Variants in KAZN observed in about 807,000 individuals in gnomAD.
KAZN encodes the protein kazrin, periplakin interacting protein.
KAZN carries 40 observed loss-of-function variants against 87.4 expected under a neutral mutation model. The observed-to-expected ratio is 0.46, with a 90% CI of 0.36 to 0.60. The LOEUF is 0.60. Ranked by LOEUF, KAZN falls within the 20% of genes least tolerant of loss-of-function variation. KAZN has a pLI of 0.00. For missense variants in KAZN, 898 were observed against 1,073.9 expected (o/e 0.84, Z 2.29); for synonymous variants, 466 against 458.3 (o/e 1.02, Z -0.22).
At chr1:14,332,708 G>A (rs184009701) in intron 2 of KAZN, among the ~76,000 whole-genome samples, 1 of 152,260 alleles carries the variant, frequency 6.6e-6, no homozygotes, top group African/African-American at 2.4e-5. Flanking sequence ...GGATCTGCCA[G>A]TTTCTATCTG....
At chr1:14,849,508 A>G (rs1649182249) in intron 1 of KAZN, among the ~76,000 whole-genome samples, 1 of 152,248 alleles carries the variant, frequency 6.6e-6, no homozygotes, top group Admixed American at 6.5e-5. Context: ...TGCACCTAGA[A>G]TAGCAGGGCT....
intron 1 of KAZN, among the ~76,000 whole-genome samples, chr1:14,630,608 T>G (rs1679493605): frequency 6.6e-6 from 1 of 152,230 alleles, no homozygotes; most frequent in Admixed American, 6.5e-5. Context: ...TTAAATGAGA[T>G]GCTGACTGGG....
intron 2 of KAZN, among the ~76,000 whole-genome samples, chr1:14,542,665 C>T (rs1014106970): frequency 3.3e-4 from 50 of 152,284 alleles, no homozygotes; most frequent in African/African-American, 1.2e-3. Flanking sequence ...TGGTAGTGAG[C>T]ATAGTATCGG....
At chr1:14,249,158 A>G (rs1649780512) in intron 2 of KAZN, among the ~76,000 whole-genome samples, 1 of 152,218 alleles carries the variant, frequency 6.6e-6, no homozygotes, top group African/African-American at 2.4e-5. Flanking sequence ...CCTGACCGAC[A>G]GGATCCATGA....
chr1:14,902,362 A>AG (rs1216163273), intron 1 of KAZN, among the ~76,000 whole-genome samples: 1 of 151,744 alleles, frequency 6.6e-6, no homozygotes, highest in Non-Finnish European at 1.5e-5. Flanking sequence ...AGTAGCTGGG[A>AG]CTATAGGCAC....
chr1:14,191,899 A>G lies in KAZN; in HGVS notation c.249+11307A>G, dbSNP rs762219885. Among the ~76,000 whole-genome samples the G allele has an allele frequency of 4.9e-4, 74 of 152,218 alleles. 1 individual carries two copies. Among genetic ancestry groups the G allele is most frequent in the Non-Finnish European group, 8.2e-4 (56 of 67,998 alleles). Reference sequence around the variant, plus strand: ...ACTCCCTCCAGAGCTATCCTAGAGAACCAAGTACTTCTGCCTCCAGTTTGC... The same window carrying G: ...ACTCCCTCCAGAGCTATCCTAGAGAGCCAAGTACTTCTGCCTCCAGTTTGC... On this transcript the variant is annotated intron_variant, in intron 2 of 16. Coordinates refer to the KAZN transcript ENST00000636203.
intron 1 of KAZN, among the ~76,000 whole-genome samples, chr1:14,914,411 T>G (rs536900655): frequency 1.1e-4 from 17 of 152,268 alleles, no homozygotes; most frequent in African/African-American, 4.1e-4. Flanking sequence ...GATGCCTAAT[T>G]ACTATTTGCC....
chr1:14,073,500 A>G lies in KAZN; in HGVS notation c.92-106935A>G, dbSNP rs112018451. Reference sequence around the variant, plus strand: ...TGTGCCATGGTGGTTTGCTGCACCTATCAACCTGTCATCTACATTAGGTAT... The same window carrying G: ...TGTGCCATGGTGGTTTGCTGCACCTGTCAACCTGTCATCTACATTAGGTAT... On this transcript the variant is annotated intron_variant, in intron 1 of 16. Coordinates refer to the KAZN transcript ENST00000636203. 4.9e-3 allele frequency among the ~76,000 whole-genome samples: 749 copies of G among 152,188 alleles called. 4 individuals carry two copies. Among genetic ancestry groups the G allele is most frequent in the African/African-American group, 0.017 (712 of 41,500 alleles).
At chr1:14,234,144 C>T (rs1372794399) in intron 2 of KAZN, among the ~76,000 whole-genome samples, 2 of 152,082 alleles carry the variant, frequency 1.3e-5, no homozygotes, top group Non-Finnish European at 2.9e-5. Flanking sequence ...GACCTGGAAC[C>T]AACCCAAATG....
chr1:14,217,942 T>C (rs1646994388), intron 2 of KAZN, among the ~76,000 whole-genome samples: 1 of 152,132 alleles, frequency 6.6e-6, no homozygotes, highest in African/African-American at 2.4e-5. Flanking sequence ...TCCAACTAAA[T>C]TGACATTCAC....
At chr1:14,789,623 C>G (rs1211452286) in intron 1 of KAZN, among the ~76,000 whole-genome samples, 2 of 151,948 alleles carry the variant, frequency 1.3e-5, no homozygotes, top group Non-Finnish European at 2.9e-5. Flanking sequence ...CCTGGTCCCC[C>G]TTTGGGCCTC....
At chr1:14,329,713 C>T (rs1285009420) in intron 2 of KAZN, among the ~76,000 whole-genome samples, 1 of 152,186 alleles carries the variant, frequency 6.6e-6, no homozygotes, top group Non-Finnish European at 1.5e-5. Context: ...CTCAGTCACT[C>T]AGCCCACTTA....
At chr1:14,863,652 A>G (rs988258262) in intron 1 of KAZN, among the ~76,000 whole-genome samples, 30 of 152,182 alleles carry the variant, frequency 2.0e-4, no homozygotes, top group African/African-American at 6.8e-4. Context: ...GAATCAAAAT[A>G]CCATCCAAAT....
intron 2 of KAZN, among the ~76,000 whole-genome samples, chr1:14,543,780 T>G (rs921055787): frequency 2.6e-5 from 4 of 152,172 alleles, no homozygotes; most frequent in African/African-American, 9.7e-5. Flanking sequence ...ACATTAGAAA[T>G]TGGCAAACAG....
In KAZN at chr1:14,436,717, C is replaced by CAA. The variant is rs1197002414; in HGVS notation, c.250-162246_250-162245dup. On this transcript the variant is annotated intron_variant, in intron 2 of 16. Transcript: ENST00000636203. ...TGGGCGACAGAGCGAGACTCTGTCT[C>CAA]AAAAAAAAAAAAAAAAAAAAACCTT... is the stretch of plus-strand genomic sequence containing the variant. Among the ~76,000 whole-genome samples, 454 of 50,666 alleles carry CAA rather than the reference C, an allele frequency of 9.0e-3. 3 individuals are homozygous for CAA. Among genetic ancestry groups the CAA allele is most frequent in the African/African-American group, 0.019 (168 of 8,724 alleles). 33.2% of individuals were successfully genotyped at this position (50,666 alleles called of 152,430 possible). A position where few individuals can be genotyped will look rare whatever the true frequency, so the allele number is the denominator to read the frequency against.
chr1:14,904,032 G>A (rs1336706769), intron 1 of KAZN, among the ~76,000 whole-genome samples: 1 of 152,172 alleles, frequency 6.6e-6, no homozygotes, highest in African/African-American at 2.4e-5. Context: ...TGTAGACCAG[G>A]GGACGTTCAC....
chr1:14,777,952 G>A (rs1645228656), intron 1 of KAZN, among the ~76,000 whole-genome samples: 1 of 152,144 alleles, frequency 6.6e-6, no homozygotes, highest in African/African-American at 2.4e-5. Flanking sequence ...AATGAGCCAT[G>A]AGGACGATCA....
intron 1 of KAZN, among the ~76,000 whole-genome samples, chr1:14,614,777 G>A (rs535469614): frequency 8.8e-4 from 134 of 152,334 alleles, no homozygotes; most frequent in Non-Finnish European, 1.5e-3. Flanking sequence ...AGGGCCTCCC[G>A]GGTTTTTGTA....
intron 2 of KAZN, among the ~76,000 whole-genome samples, chr1:14,489,548 A>G (rs1370806441): frequency 6.6e-6 from 1 of 152,042 alleles, no homozygotes; most frequent in Non-Finnish European, 1.5e-5. Context: ...AGCCTGGCCA[A>G]CATGGTGAAA....
Sources: gnomAD v4.1 joint callset for allele counts (sites outside exome capture counted in the v4.1 genomes callset) on GRCh38, gnomAD v4.1.1 for gene constraint, MANE v1.5 for transcripts, NCBI Gene and HGNC (gene_info 2026-07-23, HGNC 2026-07-21) for gene names.